The following VIRMA variants were observed in gnomAD, a reference collection of about 807,000 sequenced individuals.
The protein encoded by VIRMA is protein virilizer homolog.
A neutral mutation model predicts 182.4 loss-of-function variants in VIRMA; 65 were observed. The ratio of observed to expected loss-of-function variants is 0.36; its 90% CI spans 0.29 to 0.44. The LOEUF (loss-of-function observed/expected upper bound fraction) is 0.44. Ranked by LOEUF, VIRMA falls within the 20% of genes least tolerant of loss-of-function variation. The pLI is 1.00. For synonymous variants in VIRMA, 709 were observed against 743.1 expected, an observed-to-expected ratio of 0.95 and a Z score of 0.75; for missense variants, 1,752 against 2,158.1, an observed-to-expected ratio of 0.81 and a Z score of 3.73.
chr8:94,501,042 G>A (rs1036179347), intron 16 of VIRMA, among the ~76,000 whole-genome samples: 1 of 151,706 alleles, frequency 6.6e-6, no homozygotes, highest in African/African-American at 2.4e-5. Flanking sequence ...TCAGGAGTTC[G>A]AGACCAGCCT....
At chr8:94,534,016 T>C (rs1815255258) in intron 5 of VIRMA, 2 of 152,246 alleles carry the variant, frequency 1.3e-5, no homozygotes, top group African/African-American at 2.4e-5. Flanking sequence ...CATGAGCCAC[T>C]GCTCTCAGCC....
chr8:94,552,116 T>G (rs1198613102), intron 1 of VIRMA, among the ~76,000 whole-genome samples: 2 of 152,238 alleles, frequency 1.3e-5, no homozygotes, highest in African/African-American at 4.8e-5. Context: ...TCGGCTAGAA[T>G]GTTAGATATA....
chr8:94,504,189 T>TAAA (rs201084337), intron 16 of VIRMA, among the ~76,000 whole-genome samples: 1 of 139,112 alleles, frequency 7.2e-6, no homozygotes, highest in Non-Finnish European at 1.6e-5. Flanking sequence ...AAAATAAAAT[T>TAAA]AAAAAAAAAA....
chr8:94,501,081 T>C (rs1345794205), intron 16 of VIRMA, among the ~76,000 whole-genome samples: 2 of 150,926 alleles, frequency 1.3e-5, no homozygotes, highest in African/African-American at 4.9e-5. Context: ...CTGTCTCCAC[T>C]AAAAAAACAA....
At chr8:94,532,099 GTTTC>G (rs1260745595) in intron 5 of VIRMA, among the ~76,000 whole-genome samples, 8 of 152,116 alleles carry the variant, frequency 5.3e-5, no homozygotes, top group East Asian at 1.9e-4. Context: ...TTGGGGTTTT[GTTTC>G]TTTTTATGTT....
intron 1 of VIRMA, among the ~76,000 whole-genome samples, chr8:94,553,002 A>G (rs1475342961): frequency 6.6e-6 from 1 of 152,220 alleles, no homozygotes; most frequent in African/African-American, 2.4e-5. Flanking sequence ...CACGAAGCCA[A>G]CGTAAACTGC....
intron 11 of VIRMA, 26 bp downstream of exon 11, chr8:94,514,843 A>G: frequency 1.6e-6 from 2 of 1,266,770 alleles, no homozygotes; most frequent in Non-Finnish European, 2.3e-6. Context: ...TCAAAAAGTC[A>G]AAGCACTTTT....
chr8:94,519,364 C>CAAGA lies in VIRMA; in HGVS notation c.2130_2133dup (p.Ala712SerfsTer16). On this transcript the variant is annotated frameshift_variant, in exon 9 of 24. Transcript: ENST00000297591. LOFTEE classifies it high-confidence loss of function. ...AAAAGAAGACCCTTCTGTGACTGTG[C>CAAGA]AAGAAACTTCAAAACATCTTTTGTG... 1 of 1,582,984 alleles carries CAAGA rather than the reference C, an allele frequency of 6.3e-7. No individual in the cohort carries two copies. The highest frequency in any genetic ancestry group is 8.6e-7 in the Non-Finnish European group (1 of 1,168,796).
rs745569493 is a variant in VIRMA, at chr8:94,491,593, G to A, written c.5125C>T (p.Pro1709Ser). The change falls in exon 22 of 24, where the codon CCA becomes TCA. Residue 1709 changes from proline to serine, a missense_variant. Physicochemically the swap from Pro to Ser is moderately conservative, Grantham distance 74. Transcript: ENST00000297591. ...AFHSQNRFFT[P>S]PASKGNYSRR... ...AATTAGTTACCTTTTGAAGCAGGTG[G>A]TGTGAAAAACCTATTCTGACTGTGG... 1.9e-6 allele frequency: 3 copies of A among 1,611,066 alleles called. No individual in the cohort carries two copies. The highest frequency in any genetic ancestry group is 2.5e-6 in the Non-Finnish European group (3 of 1,177,542).
intron 1 of VIRMA, among the ~76,000 whole-genome samples, chr8:94,550,876 G>A (rs1373720078): frequency 2.0e-5 from 3 of 152,022 alleles, no homozygotes; most frequent in East Asian, 1.9e-4. Context: ...ACACCGCCAC[G>A]CCCAGCTAAT....
chr8:94,550,368 C>T (rs1200352712), intron 1 of VIRMA, among the ~76,000 whole-genome samples: 1 of 151,646 alleles, frequency 6.6e-6, no homozygotes, highest in Non-Finnish European at 1.5e-5. Flanking sequence ...TCTCGGCTCA[C>T]TGCAAGCTCT....
rs1370499855 is a variant in VIRMA at position 94,526,120 on chromosome 8, C to T, written c.2021+103G>A. Reference sequence around the variant, plus strand: ...TTTTGAAATATCAAGTATCCTTACACATAAATAAGTTACCTACAATCAGAT... The same window carrying T: ...TTTTGAAATATCAAGTATCCTTACATATAAATAAGTTACCTACAATCAGAT... On this transcript the variant is annotated intron_variant, in intron 8 of 23. Transcript: ENST00000297591. 3 of 821,004 alleles carry T rather than the reference C, an allele frequency of 3.7e-6. No individual in the cohort carries two copies. In the South Asian group the frequency reaches 5.4e-5, roughly 15 times the overall value. 50.9% of individuals were successfully genotyped at this position (821,004 alleles called of 1,614,324 possible). A position where few individuals can be genotyped will look rare whatever the true frequency, so the allele number is the denominator to read the frequency against.
In VIRMA at chr8:94,526,425, C is replaced by T; in HGVS notation, c.1819G>A (p.Ala607Thr). ...TNPEYENEVEASMDMDLLESS... is the reference protein window; with the variant it reads ...TNPEYENEVETSMDMDLLESS... The stretch of plus-strand genomic sequence containing the variant: ...TCCAAAAGATCCATATCCATAGAAG[C>T]TTCCACCTCATTTTCATATTCTGGG... The change falls in exon 8 of 24, where the codon GCT becomes ACT. Residue 607 changes from alanine (A) to threonine (T), a missense_variant. Physicochemically the swap from Ala to Thr is moderately conservative, Grantham distance 58. This residue lies in a region of VIRMA where 401 missense variants were observed against 455.1 expected (regional missense o/e 0.88). Transcript: ENST00000297591. The T allele has an allele frequency of 6.2e-7, 1 of 1,613,864 alleles. No homozygotes were observed. Among genetic ancestry groups the T allele is most frequent in the Admixed American group, 1.7e-5 (1 of 59,936 alleles).
In VIRMA at chr8:94,511,532, T is replaced by C. The variant is rs775632647; in HGVS notation, c.3043A>G (p.Thr1015Ala). The change falls in exon 13 of 24, where the codon ACT (threonine) becomes GCT (alanine). Residue 1015 changes from threonine to alanine, a missense_variant. This residue lies in a region of VIRMA where 777 missense variants were observed against 920.6 expected (regional missense o/e 0.84). Transcript: ENST00000297591. ...MARCTLTLLK[T>A]MLTELLRGGS... is the part of the protein sequence containing the mutation. ...CCTCTCAGGAGTTCCGTTAACATAG[T>C]TTTAAGAAGAGTGAGTGTGCAGCGA... 1.2e-6 allele frequency: 2 copies of C among 1,614,116 alleles called. No individual in the cohort carries two copies. Among genetic ancestry groups the C allele is most frequent in the Non-Finnish European group, 1.7e-6 (2 of 1,179,994 alleles).
chr8:94,546,975 TTC>T, intron 1 of VIRMA: 1 of 455,412 alleles, frequency 2.2e-6, no homozygotes, highest in Non-Finnish European at 4.4e-6. Flanking sequence ...ACTCATGATG[TTC>T]TCTCTGCTTG....
At chr8:94,519,610 A>G (rs985580551) in intron 8 of VIRMA, 134 bp from the exon 9 acceptor site, 1 of 854,012 alleles carries the variant, frequency 1.2e-6, no homozygotes, top group African/African-American at 1.8e-5. Context: ...CTTTAACTGA[A>G]AACATAATGT....
intron 2 of VIRMA, among the ~76,000 whole-genome samples, chr8:94,542,485 C>A (rs1265091048): frequency 6.6e-6 from 1 of 152,172 alleles, no homozygotes; most frequent in Non-Finnish European, 1.5e-5. Flanking sequence ...CCCTCAGAAA[C>A]AATGTGAGAT....
intron 2 of VIRMA, among the ~76,000 whole-genome samples, chr8:94,542,056 G>C (rs1477548840): frequency 1.3e-4 from 20 of 152,144 alleles, no homozygotes; most frequent in Admixed American, 1.3e-3. Flanking sequence ...AATCCAGTTT[G>C]CTTGCTATGG....
In VIRMA at chr8:94,520,726, G is replaced by A. The variant is rs1240902256; in HGVS notation, c.2022-1250C>T. 5.9e-5 allele frequency among the ~76,000 whole-genome samples: 9 copies of A among 151,998 alleles called. 1 individual carries two copies. The highest frequency in any genetic ancestry group is 1.2e-4 in the Non-Finnish European group (8 of 68,012). On this transcript the variant is annotated intron_variant, in intron 8 of 23. Transcript: ENST00000297591. ...TTATATCAGAGACTGGAGCATCCTT[G>A]GATTTTGGAATCCAAGGGAGGTCTG...
Sources: gnomAD v4.1 joint callset for allele counts (sites outside exome capture counted in the v4.1 genomes callset) on GRCh38, gnomAD v4.1.1 for gene constraint, gnomAD v4.1.1 regional missense constraint, MANE v1.5 for transcripts, NCBI Gene and HGNC (gene_info 2026-07-23, HGNC 2026-07-21) for gene names.